Variants in PSMD12 observed in about 807,000 individuals in gnomAD.
The protein encoded by PSMD12 is 26S proteasome non-ATPase regulatory subunit 12.
Under a neutral mutation model 62.9 loss-of-function variants are expected in PSMD12, and 8 were observed. The ratio of observed to expected loss-of-function variants is 0.13; its 90% CI spans 0.07 to 0.23. The LOEUF is 0.23. PSMD12 is among the 10% of genes least tolerant of loss of function. The pLI, the probability that PSMD12 is intolerant of heterozygous loss-of-function variation, is 1.00. For synonymous variants in PSMD12, 173 were observed against 187.4 expected (o/e 0.92, Z 0.63); for missense variants, 424 against 550.2 (o/e 0.77, Z 2.29).
intron 5 of PSMD12, 116 bp downstream of exon 5, chr17:67,348,434 T>C: frequency 1.2e-6 from 1 of 837,176 alleles, no homozygotes; most frequent in Non-Finnish European, 1.9e-6. Flanking sequence ...TCAATCAAAA[T>C]CCAAAATAAT....
intron 3 of PSMD12, among the ~76,000 whole-genome samples, chr17:67,356,777 A>G (rs1046656201): frequency 1.4e-4 from 22 of 152,072 alleles, no homozygotes; most frequent in African/African-American, 3.9e-4. Context: ...TTGAGAGGCC[A>G]AGGCAGAGGG....
At chr17:67,351,842 G>A (rs1234582334) in intron 3 of PSMD12, among the ~76,000 whole-genome samples, 1 of 148,706 alleles carries the variant, frequency 6.7e-6, no homozygotes, top group Non-Finnish European at 1.5e-5. Flanking sequence ...GCTCATGCCC[G>A]TAATCCCAGA....
Position 67,347,354 on chromosome 17 carries a change from G to C in PSMD12, c.642C>G (p.Phe214Leu). ...IISKKINTKF[F>L]QEENTEKLKL... ...TGCTCACCTCTGTATTTTCTTCCTG[G>C]AAAAATTTGGTGTTAATTTTCTTGC... The change falls in exon 6 of 11, where the codon TTC (phenylalanine) becomes TTG (leucine). Residue 214 changes from phenylalanine (F) to leucine (L), a missense_variant. Coordinates refer to ENST00000356126, the MANE Select transcript of PSMD12 (RefSeq NM_002816.5). 1 of 1,613,762 alleles carries C rather than the reference G, an allele frequency of 6.2e-7. No homozygotes were observed. The highest frequency in any genetic ancestry group is 8.5e-7 in the Non-Finnish European group (1 of 1,179,900).
intron 1 of PSMD12, chr17:67,362,853 G>T (rs941478692): frequency 6.6e-6 from 1 of 152,086 alleles, no homozygotes; most frequent in Non-Finnish European, 1.5e-5. Context: ...CAATCCACAG[G>T]GTTGGTGTAA....
intron 1 of PSMD12, among the ~76,000 whole-genome samples, chr17:67,360,630 C>A (rs1359453093): frequency 2.6e-5 from 4 of 152,226 alleles, no homozygotes; most frequent in African/African-American, 7.2e-5. Flanking sequence ...CTTCTGCAGA[C>A]ACTATGGTCC....
chr17:67,350,530 A>G (rs922315537), intron 3 of PSMD12, among the ~76,000 whole-genome samples, 194 bp from the exon 4 acceptor site: 1 of 152,246 alleles, frequency 6.6e-6, no homozygotes, highest in Non-Finnish European at 1.5e-5. Context: ...AAGTCAGTAA[A>G]GGTCAGGAAA....
At chr17:67,347,542 A>G (rs1454209252) in intron 5 of PSMD12, 57 bp from the exon 6 acceptor site, 1 of 1,460,120 alleles carries the variant, frequency 6.8e-7, no homozygotes. Context: ...GTGAATTGCA[A>G]TAAAATGAAA....
intron 1 of PSMD12, chr17:67,361,238 T>G (rs972020171): frequency 2.6e-5 from 4 of 152,210 alleles, no homozygotes; most frequent in African/African-American, 9.7e-5. Context: ...ATGAATCCAA[T>G]CTTTCAATGA....
At chr17:67,345,711 T>G in intron 8 of PSMD12, 34 bp downstream of exon 8, 58 of 1,533,602 alleles carry the variant, frequency 3.8e-5, no homozygotes, top group Non-Finnish European at 4.7e-5. Flanking sequence ...GTGTTTCGAC[T>G]GAGATATATC....
chr17:67,363,114 TAC>T (rs2042148361), intron 1 of PSMD12, among the ~76,000 whole-genome samples: 1 of 152,210 alleles, frequency 6.6e-6, no homozygotes, highest in African/African-American at 2.4e-5. Flanking sequence ...TTCTGCTAAA[TAC>T]AGTTTCCCAT....
At chr17:67,351,668 C>A (rs889668487) in intron 3 of PSMD12, among the ~76,000 whole-genome samples, 1 of 151,802 alleles carries the variant, frequency 6.6e-6, no homozygotes, top group Non-Finnish European at 1.5e-5. Flanking sequence ...GGGCCTCTAG[C>A]GAACCTATCA....
intron 1 of PSMD12, among the ~76,000 whole-genome samples, chr17:67,363,153 C>T (rs551827385): frequency 2.0e-5 from 3 of 151,952 alleles, no homozygotes; most frequent in African/African-American, 7.2e-5. Context: ...TCTCTATATA[C>T]AACTTTTTTT....
rs2041896085 is a variant in PSMD12 at position 67,339,963 on chromosome 17, CAGAGAT to C, written c.*874_*879del. 6.6e-6 allele frequency: 1 copy of C among 151,122 alleles called. No individual in the cohort carries two copies. Among genetic ancestry groups the C allele is most frequent in the Non-Finnish European group, 1.5e-5 (1 of 67,884 alleles). The allele number at this position is 151,122 out of a possible 1,614,324, so 9.4% of individuals were successfully genotyped here. ...CATATAATGGAACTAAAAGTTCCTA[CAGAGAT>C]AATGAATTTGGAACAATAATGATGT... On this transcript the variant is annotated 3_prime_UTR_variant, in exon 11 of 11. Coordinates refer to ENST00000356126, the MANE Select transcript of PSMD12 (RefSeq NM_002816.5).
intron 3 of PSMD12, among the ~76,000 whole-genome samples, chr17:67,356,179 G>C (rs971943076): frequency 1.3e-5 from 2 of 152,102 alleles, no homozygotes; most frequent in Non-Finnish European, 2.9e-5. Context: ...TTAAGGACTT[G>C]TCAAGAAGAG....
chr17:67,344,848 A>C (rs2041949512), intron 8 of PSMD12, 68 bp from the exon 9 acceptor site: 1 of 1,275,782 alleles, frequency 7.8e-7, no homozygotes, highest in Admixed American at 2.7e-5. Context: ...ATAATAGCAA[A>C]GTTCAAAAAA....
At chr17:67,363,336 T>C (rs1361862951) in intron 1 of PSMD12, among the ~76,000 whole-genome samples, 1 of 152,156 alleles carries the variant, frequency 6.6e-6, no homozygotes, top group Non-Finnish European at 1.5e-5. Flanking sequence ...AATTTTTTTG[T>C]AGAGACAGCA....
At chr17:67,359,732 A>G (rs1170863513) in intron 1 of PSMD12, among the ~76,000 whole-genome samples, 1 of 152,210 alleles carries the variant, frequency 6.6e-6, no homozygotes, top group Non-Finnish European at 1.5e-5. Flanking sequence ...TTCTTAACAT[A>G]TTTTAACAAC....
rs2042182360 is a variant in PSMD12 at position 67,366,553 on chromosome 17, G to A, written c.-34C>T. The A allele has an allele frequency of 1.3e-6, 2 of 1,564,764 alleles. No homozygotes were observed. The highest frequency in any genetic ancestry group is 2.3e-5 in the East Asian group (1 of 43,294). On this transcript the variant is annotated 5_prime_UTR_variant, in exon 1 of 11. Coordinates refer to ENST00000356126, the MANE Select transcript of PSMD12 (RefSeq NM_002816.5). ...CCTGAGCGTCCCTTGCTGTCCCCCT[G>A]CTTCGGCCACCACTCGTCACCCACA...
At position 67,356,034 on chromosome 17, in the gene PSMD12, T is replaced by C. The variant is rs183670649; in HGVS notation, c.297+1269A>G. ...CGCACACACACACAAGATTAAATGT[T>C]TAACAGTACATTCTTTTGGCAGACT... On this transcript the variant is annotated intron_variant, in intron 3 of 10. Transcript: ENST00000356126. Among the ~76,000 whole-genome samples the C allele has an allele frequency of 5.3e-5, 8 of 151,602 alleles. No homozygotes were observed. The East Asian group carries it at 1.6e-3, about 29-fold the overall frequency.
Sources: allele counts gnomAD v4.1 joint callset (sites outside exome capture counted in the v4.1 genomes callset), GRCh38; gene constraint gnomAD v4.1.1; transcripts MANE v1.5; gene names NCBI Gene and HGNC (gene_info 2026-07-23, HGNC 2026-07-21).